KMT2B: variants seen among roughly 807,000 people sequenced by gnomAD.
The protein encoded by KMT2B is lysine methyltransferase 2B.
Under a neutral mutation model 255.3 loss-of-function variants are expected in KMT2B, and 22 were observed. The observed-to-expected ratio is 0.09, with a 90% CI of 0.06 to 0.12. The LOEUF is 0.12. Among genes scored for constraint, KMT2B ranks in the 10% least tolerant of loss-of-function variants. The probability of loss-of-function intolerance (pLI) is 1.00; values close to 1 mark genes in which losing one functional copy is unlikely to be tolerated. For missense variants in KMT2B, 3,149 were observed against 3,737.0 expected, an observed-to-expected ratio of 0.84 and a Z score of 4.10; for synonymous variants, 1,730 against 1,498.1, an observed-to-expected ratio of 1.15 and a Z score of -3.57.
In KMT2B at chr19:35,725,090, A is replaced by G. The variant is rs1969382127; in HGVS notation, c.3528+3A>G. 6.2e-7 allele frequency: 1 copy of G among 1,610,120 alleles called. No homozygotes were observed. The highest frequency in any genetic ancestry group is 8.5e-7 in the Non-Finnish European group (1 of 1,176,466). On this transcript the variant is annotated splice_donor_region_variant and intron_variant, in intron 10 of 36. Coordinates refer to ENST00000420124, the MANE Select transcript of KMT2B (RefSeq NM_014727.3). The surrounding 1 kb of genome is among the most constrained non-coding windows in gnomAD (Gnocchi z 4.1). The stretch of plus-strand genomic sequence containing the variant: ...ACCGCGTCCGTGTGGATTTTAAGGT[A>G]TGGCATTGAGTGGGGCGAGTCACAG...
Position 35,723,658 on chromosome 19 carries a change from T to G in KMT2B, c.3059-74T>G, listed in dbSNP as rs749916024. ...TCCTGCGTTCATTCCCTGCCCCGCT[T>G]CTTTCTGGCTTCTCTCCCAGTGTCC... On this transcript the variant is annotated intron_variant, in intron 7 of 36. Transcript: ENST00000420124. The surrounding 1 kb of genome is among the most constrained non-coding windows in gnomAD (Gnocchi z 7.5). 2.9e-6 allele frequency: 4 copies of G among 1,389,546 alleles called. No individual in the cohort carries two copies. The highest frequency in any genetic ancestry group is 1.5e-5 in the African/African-American group (1 of 68,946). The allele number at this position is 1,389,546 out of a possible 1,614,324, so 86.1% of individuals were successfully genotyped here.
chr19:35,723,051 G>C lies in KMT2B; in HGVS notation c.2779G>C (p.Val927Leu). 6.2e-7 allele frequency: 1 copy of C among 1,612,506 alleles called. No homozygotes were observed. Among genetic ancestry groups the C allele is most frequent in the Non-Finnish European group, 8.5e-7 (1 of 1,179,406 alleles). Reference sequence around the variant, plus strand: ...CCCGTCACGGTCCCGGCGGGGAAAGGTGGAGGCAGCAGGCCCTGGGGGAGA... The same window carrying C: ...CCCGTCACGGTCCCGGCGGGGAAAGCTGGAGGCAGCAGGCCCTGGGGGAGA... ...SVPSRSRRGK[V>L]EAAGPGGESE... The change falls in exon 6 of 37, where the codon GTG becomes CTG. Residue 927 changes from valine to leucine, a missense_variant. Val to Leu is a conservative substitution (Grantham distance 32, BLOSUM62 1). Around this residue, in one of 18 missense-constraint regions of KMT2B, gnomAD observed 132 missense variants for 174.7 expected, o/e 0.76. Coordinates refer to ENST00000420124, the MANE Select transcript of KMT2B (RefSeq NM_014727.3). This position sits in a 1 kb window ranked among gnomAD's most constrained non-coding sequence, Gnocchi z 7.5.
In KMT2B at chr19:35,719,727, C is replaced by CA. The variant is rs1969104921; in HGVS notation, c.437-57_437-56insA. On this transcript the variant is annotated intron_variant, in intron 2 of 36. Coordinates refer to ENST00000420124, the MANE Select transcript of KMT2B (RefSeq NM_014727.3). The stretch of plus-strand genomic sequence containing the variant: ...CTTAGTCCCTGCCCTCCTGGAGCGC[C>CA]TTCCTCTGTGTGTAGGGCTGGCTTG... 5 of 1,535,508 alleles carry CA rather than the reference C, an allele frequency of 3.3e-6. No individual in the cohort carries two copies. In the East Asian group the frequency reaches 1.1e-4, roughly 35 times the overall value.
intron 14 of KMT2B, among the ~76,000 whole-genome samples, 173 bp from the exon 15 acceptor site, chr19:35,726,983 C>CAAAAAAA (rs34515466): frequency 1.6e-5 from 1 of 62,858 alleles, no homozygotes; most frequent in Admixed American, 1.8e-4. Flanking sequence ...GACACTGTCT[C>CAAAAAAA]AAAAAAAAAA....
intron 30 of KMT2B, 68 bp from the exon 31 acceptor site, chr19:35,736,622 C>A: frequency 6.3e-7 from 1 of 1,581,094 alleles, no homozygotes; most frequent in Non-Finnish European, 8.6e-7. Flanking sequence ...GCTGGGAGCA[C>A]AGCGGGGCTC....
rs758967458 is a variant in KMT2B at position 35,728,152 on chromosome 19, C to T, written c.4552C>T (p.Arg1518Trp). The change falls in exon 19 of 37, where the codon CGG becomes TGG. Residue 1518 changes from arginine (R) to tryptophan (W), a missense_variant. Physicochemically the swap from Arg to Trp is moderately radical, Grantham distance 101. Coordinates refer to ENST00000420124, the MANE Select transcript of KMT2B (RefSeq NM_014727.3). Reference protein sequence around the residue: ...FDAHDPKYWRRSTRLPNGVLP... With the variant: ...FDAHDPKYWRWSTRLPNGVLP... ...CGCCCACGACCCCAAGTACTGGCGA[C>T]GGAGTACCCGGCTGCCAAAGTGAGC... is the stretch of plus-strand genomic sequence containing the variant. The T allele has an allele frequency of 6.9e-6, 11 of 1,594,976 alleles. No individual in the cohort carries two copies. Among genetic ancestry groups the T allele is most frequent in the African/African-American group, 4.0e-5 (3 of 74,548 alleles).
At chr19:35,729,386 C>T (rs989301965) in intron 22 of KMT2B, 90 bp downstream of exon 22, 1 of 1,480,260 alleles carries the variant, frequency 6.8e-7, no homozygotes, top group African/African-American at 1.4e-5. Flanking sequence ...ACATTCCCTA[C>T]CTGGCATCCT....
At chr19:35,721,976 CTG>C (rs1020450225) in intron 3 of KMT2B, among the ~76,000 whole-genome samples, 172 bp downstream of exon 3, 10 of 151,386 alleles carry the variant, frequency 6.6e-5, no homozygotes, top group Non-Finnish European at 1.0e-4. Flanking sequence ...TGGCCCTTCT[CTG>C]TGCTAGTTCC....
chr19:35,730,347 T>C lies in KMT2B; in HGVS notation c.5082T>C (p.Ile1694=), dbSNP rs1245109638. Residue 1694 remains isoleucine (I), a synonymous_variant, in exon 24 of 37, where the codon ATT becomes ATC. Transcript: ENST00000420124. ...TTTGCCACCCCCTCTTCCAGGAAAT[T>C]GTGAACCCCGATGGTTTTGATGTTC... The part of the protein sequence containing the change: ...KHTDLLDGKE[I]VNPDGFDVLR... 2 of 1,610,830 alleles carry C rather than the reference T, an allele frequency of 1.2e-6. No homozygotes were observed. The highest frequency in any genetic ancestry group is 2.2e-5 in the East Asian group (1 of 44,760).
Position 35,732,273 on chromosome 19 carries a change from T to TC in KMT2B, c.5730dup (p.Arg1911GlnfsTer61). ...CAGTGGGAGACCCGGACTTCCCAGC[T>TC]CCCCCCAGACGTTCCCGTCGTCCCA... is the stretch of plus-strand genomic sequence containing the variant. On this transcript the variant is annotated frameshift_variant, in exon 28 of 37. Coordinates refer to ENST00000420124, the MANE Select transcript of KMT2B (RefSeq NM_014727.3). LOFTEE classifies it high-confidence loss of function. 6.2e-7 allele frequency: 1 copy of TC among 1,603,660 alleles called. No individual in the cohort carries two copies.
rs748509261 is a variant in KMT2B, at chr19:35,721,408, T to G, written c.2061T>G (p.Ser687=). 17 of 1,610,596 alleles carry G rather than the reference T, an allele frequency of 1.1e-5. No individual in the cohort carries two copies. In the South Asian group the frequency reaches 1.9e-4, roughly 18 times the overall value. The part of the protein sequence containing the change: ...PEPEPPPADD[S]PAEPEPRAVG... The stretch of plus-strand genomic sequence containing the variant: ...CAGAGCCTCCTCCTGCCGATGACTC[T>G]CCAGCTGAGCCTGAGCCTCGGGCAG... Residue 687 remains serine (S), a synonymous_variant, in exon 3 of 37, where the codon TCT becomes TCG. Coordinates refer to ENST00000420124, the MANE Select transcript of KMT2B (RefSeq NM_014727.3).
In KMT2B at chr19:35,718,407, C is replaced by A. The variant is rs1201543524; in HGVS notation, c.363+26C>A. The A allele has an allele frequency of 8.0e-7, 1 of 1,250,380 alleles. No individual in the cohort carries two copies. Among genetic ancestry groups the A allele is most frequent in the Admixed American group, 3.9e-5 (1 of 25,562 alleles). The allele number at this position is 1,250,380 out of a possible 1,614,324, so 77.5% of individuals were successfully genotyped here. ...GTGAGGCGGTTGGAGGCGTCCCCGG[C>A]GCCGGGTGGGGCGGAGGCCGGGGCT... On this transcript the variant is annotated intron_variant, in intron 1 of 36. Coordinates refer to ENST00000420124, the MANE Select transcript of KMT2B (RefSeq NM_014727.3). This position sits in a 1 kb window ranked among gnomAD's most constrained non-coding sequence, Gnocchi z 5.0.
rs755245377 is a variant in KMT2B at position 35,733,667 on chromosome 19, G to T, written c.7030G>T (p.Ala2344Ser). The change falls in exon 29 of 37, where the codon GCT becomes TCT. Residue 2344 changes from alanine (A) to serine (S), a missense_variant. Ala to Ser is a moderately conservative substitution (Grantham distance 99). Transcript: ENST00000420124. This position sits in a 1 kb window ranked among gnomAD's most constrained non-coding sequence, Gnocchi z 4.3. ...VLDLDRPGEP[A>S]GEESPGPLQE... The stretch of plus-strand genomic sequence containing the variant: ...TGACCTGGATCGGCCTGGGGAGCCC[G>T]CTGGGGAAGAAAGTCCTGGGTGAGT... The T allele has an allele frequency of 1.2e-6, 2 of 1,600,834 alleles. No homozygotes were observed. Among genetic ancestry groups the T allele is most frequent in the African/African-American group, 1.3e-5 (1 of 74,704 alleles).
In KMT2B at chr19:35,721,582, A is replaced by G. The variant is rs376846076; in HGVS notation, c.2235A>G (p.Gln745=). 2 of 1,612,170 alleles carry G rather than the reference A, an allele frequency of 1.2e-6. No individual in the cohort carries two copies. The highest frequency in any genetic ancestry group is 8.5e-7 in the Non-Finnish European group (1 of 1,179,804). ...TACTGCAGCCCCTGCAGGCCTTGCAAACCCAGCTCCTGCCCCAGGCACTAC... is the reference window on the plus strand; with the variant it reads ...TACTGCAGCCCCTGCAGGCCTTGCAGACCCAGCTCCTGCCCCAGGCACTAC... ...AQLLQPLQAL[Q]TQLLPQALPP... The change falls in exon 3 of 37, where the codon CAA becomes CAG. Residue 745 remains glutamine (Q), a synonymous_variant. Coordinates refer to ENST00000420124, the MANE Select transcript of KMT2B (RefSeq NM_014727.3).
chr19:35,718,294 C>CCGGGGA lies in KMT2B; in HGVS notation c.282_287dup (p.Arg99_Gly100dup), dbSNP rs1247988086. ...GGGCCGGCCCGCGGGTCCAGCGGGG[C>CCGGGGA]CGGGGACGGGGTCGGGGCCGGGGCT... On this transcript the variant is annotated inframe_insertion, in exon 1 of 37. Coordinates refer to ENST00000420124, the MANE Select transcript of KMT2B (RefSeq NM_014727.3). This position sits in a 1 kb window ranked among gnomAD's most constrained non-coding sequence, Gnocchi z 5.0. 4 of 1,230,124 alleles carry CCGGGGA rather than the reference C, an allele frequency of 3.3e-6. No homozygotes were observed. The African/African-American group carries it at 4.7e-5, about 15-fold the overall frequency. 76.2% of individuals were successfully genotyped at this position (1,230,124 alleles called of 1,614,324 possible). A position where few individuals can be genotyped will look rare whatever the true frequency, so the allele number is the denominator to read the frequency against.
chr19:35,733,967 C>T lies in KMT2B; in HGVS notation c.7159+95C>T. ...ATCAGCCCTCTTTCAAAACCAGTAT[C>T]TACTCCCAGGGGCCAAGCCTGAGGC... On this transcript the variant is annotated intron_variant, in intron 30 of 36. Transcript: ENST00000420124. The surrounding 1 kb of genome is among the most constrained non-coding windows in gnomAD (Gnocchi z 4.3). 1 of 863,472 alleles carries T rather than the reference C, an allele frequency of 1.2e-6. No homozygotes were observed. Among genetic ancestry groups the T allele is most frequent in the Non-Finnish European group, 1.9e-6 (1 of 538,706 alleles). The allele number at this position is 863,472 out of a possible 1,614,324, so 53.5% of individuals were successfully genotyped here. A position where few individuals can be genotyped will look rare whatever the true frequency, so the allele number is the denominator to read the frequency against.
Position 35,723,085 on chromosome 19 carries a change from C to G in KMT2B, c.2813C>G (p.Pro938Arg), listed in dbSNP as rs1343929211. The change falls in exon 6 of 37, where the codon CCC becomes CGC. Residue 938 changes from proline to arginine, a missense_variant. Transcript: ENST00000420124. The surrounding 1 kb of genome is among the most constrained non-coding windows in gnomAD (Gnocchi z 7.5). ...EAAGPGGESE[P>R]TGSGGTLAHT... ...GCAGGCCCTGGGGGAGAATCAGAGC[C>G]CACAGGTTCTGGAGGGACCCTGGCC... 1.2e-6 allele frequency: 2 copies of G among 1,613,088 alleles called. No individual in the cohort carries two copies. Among genetic ancestry groups the G allele is most frequent in the East Asian group, 2.2e-5 (1 of 44,890 alleles).
intron 9 of KMT2B, 65 bp downstream of exon 9, chr19:35,724,796 A>G: frequency 1.4e-6 from 2 of 1,403,556 alleles, no homozygotes; most frequent in Non-Finnish European, 2.0e-6. Context: ...AGAGTGACAG[A>G]CACACCTGAG....
chr19:35,721,895 C>G (rs1200051053), intron 3 of KMT2B, 91 bp downstream of exon 3: 4 of 1,434,698 alleles, frequency 2.8e-6, no homozygotes, highest in African/African-American at 2.9e-5. Flanking sequence ...TGGACACTTT[C>G]CAGCATTGCG....
Sources: allele counts gnomAD v4.1 joint callset (sites outside exome capture counted in the v4.1 genomes callset), GRCh38; gene constraint gnomAD v4.1.1; regional missense constraint gnomAD v4.1.1; non-coding constraint Gnocchi (gnomAD v3.1); transcripts MANE v1.5; gene names NCBI Gene and HGNC (gene_info 2026-07-23, HGNC 2026-07-21).